TDRD3: variants seen among roughly 807,000 people sequenced by gnomAD.
TDRD3 encodes tudor domain-containing protein 3.
In TDRD3, 45 loss-of-function variants were observed where a neutral mutation model predicts 86.7. That is an observed-to-expected ratio of 0.52 (90% CI 0.41 to 0.67). TDRD3 has a LOEUF of 0.67. Among genes scored for constraint, TDRD3 ranks in the 30% least tolerant of loss-of-function variants. The pLI is 0.00. For missense variants in TDRD3, 814 were observed against 889.0 expected (o/e 0.92, Z 1.07); for synonymous variants, 298 against 301.7 (o/e 0.99, Z 0.13).
rs116433699 is a variant in TDRD3 at position 60,402,260 on chromosome 13, A to G, written c.41+4855A>G. On this transcript the variant is annotated intron_variant, in intron 1 of 13. Coordinates refer to ENST00000377881, the MANE Select transcript of TDRD3 (RefSeq NM_001146070.2). ...TTTCTTAGAGACACACCTTTTTTCCAGGAGATTGCTGGTGAATGATCTCAC... is the reference window on the plus strand; with the variant it reads ...TTTCTTAGAGACACACCTTTTTTCCGGGAGATTGCTGGTGAATGATCTCAC... Among the ~76,000 whole-genome samples, 705 of 152,258 alleles carry G rather than the reference A, an allele frequency of 4.6e-3. 4 individuals are homozygous for G. Among genetic ancestry groups the G allele is most frequent in the African/African-American group, 0.016 (682 of 41,552 alleles).
chr13:60,490,645 A>G (rs1956565852), intron 7 of TDRD3, among the ~76,000 whole-genome samples: 1 of 152,146 alleles, frequency 6.6e-6, no homozygotes, highest in Non-Finnish European at 1.5e-5. Context: ...AGAGAAGGAG[A>G]ATTGGAAACC....
rs117868870 is a variant in TDRD3 at position 60,486,309 on chromosome 13, C to A, written c.717+361C>A. On this transcript the variant is annotated intron_variant, in intron 7 of 13. Transcript: ENST00000377881. The stretch of plus-strand genomic sequence containing the variant: ...GCCACTTTTTTGGGGATAATTTCCC[C>A]TTATTAATAGCAACTTATGAGAAAT... 5.0e-3 allele frequency among the ~76,000 whole-genome samples: 756 copies of A among 152,138 alleles called. 3 individuals are homozygous for A. Among genetic ancestry groups the A allele is most frequent in the Middle Eastern group, 0.024 (7 of 294 alleles).
chr13:60,535,238 G>A lies in TDRD3; in HGVS notation c.2118+5G>A, dbSNP rs1000483041. ...CCCATTCAAACAGAGGCATGGGTAC[G>A]TGATACATATTCTGTACAAAGGCAT... On this transcript the variant is annotated splice_donor_5th_base_variant and intron_variant, in intron 12 of 13. Coordinates refer to ENST00000377881, the MANE Select transcript of TDRD3 (RefSeq NM_001146070.2). The A allele has an allele frequency of 4.3e-6, 7 of 1,612,308 alleles. No homozygotes were observed. The highest frequency in any genetic ancestry group is 5.9e-6 in the Non-Finnish European group (7 of 1,179,156).
intron 6 of TDRD3, chr13:60,484,757 G>T (rs1484323817): frequency 4.5e-6 from 2 of 447,270 alleles, no homozygotes; most frequent in Non-Finnish European, 9.0e-6. Flanking sequence ...CCATGTTGAT[G>T]GTTGGTATTC....
Position 60,535,262 on chromosome 13 carries a change from A to G in TDRD3, c.2118+29A>G, listed in dbSNP as rs766984760. The G allele has an allele frequency of 7.0e-6, 11 of 1,577,556 alleles. No individual in the cohort carries two copies. In the South Asian group the frequency reaches 1.2e-4, roughly 17 times the overall value. On this transcript the variant is annotated intron_variant, in intron 12 of 13. Coordinates refer to ENST00000377881, the MANE Select transcript of TDRD3 (RefSeq NM_001146070.2). The stretch of plus-strand genomic sequence containing the variant: ...CGTGATACATATTCTGTACAAAGGC[A>G]TAAACTATTTTGAAGAAAATATATA...
At chr13:60,422,110 G>A (rs1478807056) in intron 1 of TDRD3, among the ~76,000 whole-genome samples, 6 of 152,116 alleles carry the variant, frequency 3.9e-5, no homozygotes, top group Non-Finnish European at 5.9e-5. Context: ...GAATAGGTAC[G>A]ATTTAAAGGG....
chr13:60,429,231 T>C (rs1050501144), intron 1 of TDRD3, among the ~76,000 whole-genome samples: 1 of 152,180 alleles, frequency 6.6e-6, no homozygotes, highest in African/African-American at 2.4e-5. Context: ...TATGCCTCTT[T>C]CATTTTTTAC....
intron 1 of TDRD3, among the ~76,000 whole-genome samples, chr13:60,418,512 T>C (rs1246494099): frequency 2.6e-5 from 4 of 152,296 alleles, no homozygotes; most frequent in South Asian, 2.1e-4. Flanking sequence ...TTGGGACTAG[T>C]ACAGTGTCTG....
chr13:60,457,224 A>G (rs972167963), intron 3 of TDRD3, among the ~76,000 whole-genome samples: 4 of 152,220 alleles, frequency 2.6e-5, no homozygotes, highest in African/African-American at 9.6e-5. Flanking sequence ...GATTCAAATT[A>G]AGAAGTGACA....
At chr13:60,477,876 C>A (rs1399259456) in intron 5 of TDRD3, among the ~76,000 whole-genome samples, 1 of 152,126 alleles carries the variant, frequency 6.6e-6, no homozygotes, top group Non-Finnish European at 1.5e-5. Flanking sequence ...CAGGATGATG[C>A]TGGCTTTGTG....
Position 60,510,752 on chromosome 13 carries a change from G to A in TDRD3, c.1138G>A (p.Glu380Lys), listed in dbSNP as rs757226185. The A allele has an allele frequency of 3.9e-6, 6 of 1,549,528 alleles. No individual in the cohort carries two copies. The highest frequency in any genetic ancestry group is 5.2e-6 in the Non-Finnish European group (6 of 1,149,920). ...LESKMGTLNV[E>K]EPKSQPQQLH... ...ATCTAAAATGGGAACTTTGAATGTG[G>A]AAGGTAAGCTAATTTAAAGTTGATT... is the stretch of plus-strand genomic sequence containing the variant. Residue 380 changes from glutamate (E) to lysine (K), a missense_variant, in exon 10 of 14, where the codon GAA becomes AAA. Transcript: ENST00000377881.
At chr13:60,490,589 A>G (rs959120894) in intron 7 of TDRD3, among the ~76,000 whole-genome samples, 2 of 152,202 alleles carry the variant, frequency 1.3e-5, no homozygotes, top group African/African-American at 4.8e-5. Flanking sequence ...CAGCTGACCT[A>G]TATTCTGAAA....
chr13:60,527,798 C>A (rs1957479272), intron 10 of TDRD3, among the ~76,000 whole-genome samples: 1 of 151,608 alleles, frequency 6.6e-6, no homozygotes, highest in South Asian at 2.1e-4. Flanking sequence ...GAAAATTAAC[C>A]CTTTTGTATA....
intron 8 of TDRD3, among the ~76,000 whole-genome samples, chr13:60,495,131 T>C (rs1031624769): frequency 1.8e-4 from 27 of 152,248 alleles, no homozygotes; most frequent in African/African-American, 6.3e-4. Flanking sequence ...GATTTTTGTC[T>C]TTAGGGTACA....
intron 2 of TDRD3, among the ~76,000 whole-genome samples, chr13:60,442,687 G>A (rs969433869): frequency 1.3e-5 from 2 of 151,968 alleles, no homozygotes; most frequent in Non-Finnish European, 1.5e-5. Flanking sequence ...TATATGTATG[G>A]CACTTTAGAA....
intron 1 of TDRD3, among the ~76,000 whole-genome samples, chr13:60,399,775 A>G (rs146546703): frequency 4.5e-4 from 68 of 152,354 alleles, no homozygotes; most frequent in African/African-American, 7.7e-4. Flanking sequence ...CACTATTGTT[A>G]AATCTGTTCT....
chr13:60,454,794 CTT>C (rs57374848), intron 3 of TDRD3, among the ~76,000 whole-genome samples: 1 of 145,582 alleles, frequency 6.9e-6, no homozygotes, highest in Non-Finnish European at 1.5e-5. Flanking sequence ...ATGTATATTT[CTT>C]TTTTTTTTTT....
At position 60,490,977 on chromosome 13, in the gene TDRD3, C is replaced by T. The variant is rs191184339; in HGVS notation, c.718-3458C>T. Among the ~76,000 whole-genome samples, 1,158 of 151,998 alleles carry T rather than the reference C, an allele frequency of 7.6e-3. 18 individuals are homozygous for T. Among genetic ancestry groups the T allele is most frequent in the African/African-American group, 0.027 (1,117 of 41,478 alleles). On this transcript the variant is annotated intron_variant, in intron 7 of 13. Coordinates refer to ENST00000377881, the MANE Select transcript of TDRD3 (RefSeq NM_001146070.2). ...TACTAAAAATACAAAATTAGCTGGGCGTGGTGGCGCATGCCTATAATCCCA... is the reference window on the plus strand; with the variant it reads ...TACTAAAAATACAAAATTAGCTGGGTGTGGTGGCGCATGCCTATAATCCCA...
rs143015163 is a variant in TDRD3, at chr13:60,563,372, G to C, written c.2119-4153G>C. Reference sequence around the variant, plus strand: ...GAGTTGGGTCAGCATTTACATCTTAGGGGTAGAAGCAGAGGAAGAAATGTC... The same window carrying C: ...GAGTTGGGTCAGCATTTACATCTTACGGGTAGAAGCAGAGGAAGAAATGTC... On this transcript the variant is annotated intron_variant, in intron 12 of 13. Coordinates refer to ENST00000377881, the MANE Select transcript of TDRD3 (RefSeq NM_001146070.2). Among the ~76,000 whole-genome samples, 401 of 152,210 alleles carry C rather than the reference G, an allele frequency of 2.6e-3. 6 individuals are homozygous for C. Among genetic ancestry groups the C allele is most frequent in the South Asian group, 0.018 (85 of 4,826 alleles).
Sources: gnomAD v4.1 joint callset for allele counts (sites outside exome capture counted in the v4.1 genomes callset) on GRCh38, gnomAD v4.1.1 for gene constraint, MANE v1.5 for transcripts, NCBI Gene and HGNC (gene_info 2026-07-23, HGNC 2026-07-21) for gene names.